LIPK: variants seen among roughly 807,000 people sequenced by gnomAD.
LIPK encodes lipase member K.
LIPK carries 32 observed loss-of-function variants against 48.6 expected under a neutral mutation model. The ratio of observed to expected loss-of-function variants is 0.66; its 90% CI spans 0.50 to 0.88. The LOEUF (loss-of-function observed/expected upper bound fraction) is 0.88, where lower values mean the gene tolerates loss of function less well. Ranked by LOEUF, LIPK falls within the 40% of genes least tolerant of loss-of-function variation. The pLI is 0.00. For synonymous variants in LIPK, 164 were observed against 157.4 expected (o/e 1.04, Z -0.32); for missense variants, 507 against 478.5 (o/e 1.06, Z -0.56).
chr10:88,737,845 T>A, intron 7 of LIPK, 64 bp downstream of exon 7: 1 of 1,553,654 alleles, frequency 6.4e-7, no homozygotes, highest in Admixed American at 1.8e-5. Flanking sequence ...ATGAAAGTTA[T>A]CCTGGATTGT....
chr10:88,745,472 T>C (rs1274709500), intron 9 of LIPK, among the ~76,000 whole-genome samples: 3 of 152,198 alleles, frequency 2.0e-5, no homozygotes, highest in African/African-American at 7.2e-5. Flanking sequence ...ATTACGGGCT[T>C]GTATTCAACA....
intron 2 of LIPK, among the ~76,000 whole-genome samples, chr10:88,724,997 T>G (rs1178960739): frequency 6.6e-6 from 1 of 152,230 alleles, no homozygotes; most frequent in East Asian, 1.9e-4. Context: ...CCCAATATGC[T>G]TTTTTGGTTT....
At chr10:88,723,060 A>G (rs755278123) in intron 1 of LIPK, among the ~76,000 whole-genome samples, 5 of 150,516 alleles carry the variant, frequency 3.3e-5, no homozygotes, top group Non-Finnish European at 7.4e-5. Flanking sequence ...AATTTTTTGT[A>G]TTTGTTTTAG....
chr10:88,745,152 C>A (rs1313894111), intron 9 of LIPK, among the ~76,000 whole-genome samples: 1 of 150,722 alleles, frequency 6.6e-6, no homozygotes. Flanking sequence ...AAACCTACAG[C>A]TCTCTGGCAT....
chr10:88,737,761 G>T lies in LIPK; in HGVS notation c.796G>T (p.Asp266Tyr). The T allele has an allele frequency of 6.2e-7, 1 of 1,613,776 alleles. No homozygotes were observed. Among genetic ancestry groups the T allele is most frequent in the South Asian group, 1.1e-5 (1 of 91,032 alleles). ...CTTCCTATTTACTCTGAGTGGATTT[G>T]ATCCGCAAAACTTAAATATGGTAGG... ...SNFLFTLSGFDPQNLNMSRLD... is the reference protein window; with the variant it reads ...SNFLFTLSGFYPQNLNMSRLD... The change falls in exon 7 of 10, where the codon GAT (aspartate) becomes TAT (tyrosine). Residue 266 changes from aspartate (D) to tyrosine (Y), a missense_variant. Asp to Tyr is a radical substitution (Grantham distance 160, BLOSUM62 -3). Coordinates refer to ENST00000404190, the MANE Select transcript of LIPK (RefSeq NM_001080518.2).
chr10:88,721,714 C>A (rs559365535), intron 1 of LIPK, among the ~76,000 whole-genome samples: 1 of 152,308 alleles, frequency 6.6e-6, no homozygotes, highest in Admixed American at 6.5e-5. Context: ...AGAGCTGGAT[C>A]TGCTCCAACA....
At chr10:88,750,037 C>T (rs1326320752) in intron 9 of LIPK, among the ~76,000 whole-genome samples, 1 of 152,006 alleles carries the variant, frequency 6.6e-6, no homozygotes, top group Non-Finnish European at 1.5e-5. Flanking sequence ...ATACATGCAT[C>T]TAATAAGCAT....
At chr10:88,726,461 G>A (rs962704454) in intron 2 of LIPK, among the ~76,000 whole-genome samples, 9 of 152,164 alleles carry the variant, frequency 5.9e-5, no homozygotes, top group Admixed American at 5.9e-4. Flanking sequence ...CTAAGGCAGG[G>A]GAACGAATGC....
chr10:88,751,905 T>G (rs1399417634), intron 9 of LIPK, among the ~76,000 whole-genome samples: 1 of 152,150 alleles, frequency 6.6e-6, no homozygotes, highest in Non-Finnish European at 1.5e-5. Context: ...ACCTGAAGAA[T>G]GGAGGACGAA....
intron 7 of LIPK, among the ~76,000 whole-genome samples, chr10:88,738,898 G>A (rs553999499): frequency 6.6e-6 from 1 of 152,216 alleles, no homozygotes; most frequent in African/African-American, 2.4e-5. Context: ...AAGTAATATT[G>A]GTGGAACTTT....
At chr10:88,715,175 T>G (rs1842093501) in intron 1 of LIPK, among the ~76,000 whole-genome samples, 1 of 152,122 alleles carries the variant, frequency 6.6e-6, no homozygotes, top group African/African-American at 2.4e-5. Context: ...CTGTTCAGGT[T>G]TTCTATATTT....
chr10:88,722,831 T>C (rs1260003786), intron 1 of LIPK, among the ~76,000 whole-genome samples: 1 of 151,870 alleles, frequency 6.6e-6, no homozygotes, highest in Non-Finnish European at 1.5e-5. Context: ...TTATTTTAAA[T>C]AAAATGAGGA....
intron 6 of LIPK, among the ~76,000 whole-genome samples, chr10:88,736,887 G>A (rs1230597274): frequency 6.6e-6 from 1 of 152,174 alleles, no homozygotes; most frequent in Non-Finnish European, 1.5e-5. Flanking sequence ...TAGAAGAAAT[G>A]TGTGTTTATT....
rs891197208 is a variant in LIPK, at chr10:88,739,113, T to C, written c.817-883T>C. On this transcript the variant is annotated intron_variant, in intron 7 of 9. Coordinates refer to ENST00000404190, the MANE Select transcript of LIPK (RefSeq NM_001080518.2). ...AAGAGTTTTTGTGTGTGTTTTGTTT[T>C]TGTTTTTGTTCTTGTGTGTGTTTGT... is the stretch of plus-strand genomic sequence containing the variant. 3.3e-5 allele frequency among the ~76,000 whole-genome samples: 5 copies of C among 152,236 alleles called. No individual in the cohort carries two copies. In the East Asian group the frequency reaches 9.6e-4, roughly 29 times the overall value.
chr10:88,715,017 C>T (rs570873413), intron 1 of LIPK, among the ~76,000 whole-genome samples: 7 of 152,086 alleles, frequency 4.6e-5, no homozygotes, highest in South Asian at 2.1e-4. Flanking sequence ...CTAAGCAGTA[C>T]TTTGGCTGTA....
intron 3 of LIPK, among the ~76,000 whole-genome samples, chr10:88,730,482 G>C (rs527262933): frequency 9.2e-5 from 14 of 152,156 alleles, no homozygotes; most frequent in Middle Eastern, 3.4e-3. Context: ...AGTAGAGATG[G>C]GGTTTCACTG....
chr10:88,716,299 T>C (rs926838291), intron 1 of LIPK, among the ~76,000 whole-genome samples: 10 of 151,868 alleles, frequency 6.6e-5, no homozygotes, highest in African/African-American at 2.4e-4. Context: ...AGAATATCAC[T>C]ATTTATTAAG....
At chr10:88,735,749 C>T (rs1842558859) in intron 6 of LIPK, among the ~76,000 whole-genome samples, 2 of 152,200 alleles carry the variant, frequency 1.3e-5, no homozygotes, top group Non-Finnish European at 2.9e-5. Flanking sequence ...GACAAATATG[C>T]CTCCTCCAGA....
rs560302671 is a variant in LIPK, at chr10:88,737,780, T to C, written c.815T>C (p.Met272Thr). The change falls in exon 7 of 10, where the codon ATG becomes ACG. Residue 272 changes from methionine to threonine, a missense_variant and splice_region_variant. Transcript: ENST00000404190. The stretch of plus-strand genomic sequence containing the variant: ...GGATTTGATCCGCAAAACTTAAATA[T>C]GGTAGGTGTAAGTAATTGGGTCTGG... ...LSGFDPQNLN[M>T]SRLDVYLSHN... is the part of the protein sequence containing the mutation. 13 of 1,613,718 alleles carry C rather than the reference T, an allele frequency of 8.1e-6. No individual in the cohort carries two copies. The African/African-American group carries it at 1.1e-4, about 13-fold the overall frequency.
Sources: allele counts gnomAD v4.1 joint callset (sites outside exome capture counted in the v4.1 genomes callset), GRCh38; gene constraint gnomAD v4.1.1; transcripts MANE v1.5; gene names NCBI Gene and HGNC (gene_info 2026-07-23, HGNC 2026-07-21).